LRP1B: variants seen among roughly 807,000 people sequenced by gnomAD.
LRP1B encodes the protein LDL receptor related protein 1B, also known as low-density lipoprotein receptor-related protein 1B.
In LRP1B, 217 loss-of-function variants were observed where a neutral mutation model predicts 556.6. The observed-to-expected ratio is 0.39, with a 90% CI of 0.35 to 0.44. LRP1B has a LOEUF of 0.44. Among genes scored for constraint, LRP1B ranks in the 20% least tolerant of loss-of-function variants. The pLI is 1.00. For missense variants in LRP1B, 5,053 were observed against 5,620.8 expected (o/e 0.90, Z 3.23); for synonymous variants, 2,047 against 1,865.8 (o/e 1.10, Z -2.50).
chr2:140,710,726 T>C (rs767700280), intron 37 of LRP1B, among the ~76,000 whole-genome samples: 1 of 151,958 alleles, frequency 6.6e-6, no homozygotes, highest in Non-Finnish European at 1.5e-5. Flanking sequence ...TTGGATGGAC[T>C]ATCAGTGGAG....
At chr2:142,072,528 A>C (rs1347140677) in intron 1 of LRP1B, among the ~76,000 whole-genome samples, 3 of 152,026 alleles carry the variant, frequency 2.0e-5, no homozygotes, top group Non-Finnish European at 2.9e-5. Context: ...CATGTGGCCC[A>C]GGAGAGATTT....
chr2:140,899,688 A>G (rs1378196653), intron 23 of LRP1B, among the ~76,000 whole-genome samples: 1 of 152,206 alleles, frequency 6.6e-6, no homozygotes, highest in Non-Finnish European at 1.5e-5. Context: ...TTTGTCTTGA[A>G]TAAAAGTATG....
intron 2 of LRP1B, among the ~76,000 whole-genome samples, chr2:141,535,183 G>C (rs1478074253): frequency 1.3e-5 from 2 of 151,992 alleles, no homozygotes; most frequent in Admixed American, 6.6e-5. Flanking sequence ...AAATACTCAG[G>C]CTTGACTGAG....
At chr2:140,663,109 A>G (rs935040778) in intron 41 of LRP1B, among the ~76,000 whole-genome samples, 2 of 152,218 alleles carry the variant, frequency 1.3e-5, no homozygotes, top group African/African-American at 4.8e-5. Flanking sequence ...GTTAAATTGC[A>G]TGCTATATAT....
chr2:141,985,166 G>A (rs1702150857), intron 1 of LRP1B, among the ~76,000 whole-genome samples: 1 of 152,122 alleles, frequency 6.6e-6, no homozygotes, highest in Non-Finnish European at 1.5e-5. Context: ...TCACGATGGA[G>A]AAACAAAATG....
chr2:141,607,997 G>T (rs981696717), intron 2 of LRP1B, among the ~76,000 whole-genome samples: 3 of 152,078 alleles, frequency 2.0e-5, no homozygotes, highest in African/African-American at 7.2e-5. Flanking sequence ...GGCCAAGGTG[G>T]GCGGATCACC....
At chr2:140,489,194 T>C (rs1035363782) in intron 57 of LRP1B, among the ~76,000 whole-genome samples, 2 of 151,944 alleles carry the variant, frequency 1.3e-5, no homozygotes, top group African/African-American at 4.8e-5. Flanking sequence ...AAATCATAGG[T>C]TCAAATTTTA....
intron 3 of LRP1B, among the ~76,000 whole-genome samples, chr2:141,381,055 T>C (rs1250678183): frequency 6.6e-6 from 1 of 151,808 alleles, no homozygotes; most frequent in African/African-American, 2.4e-5. Context: ...ATGTTTCATG[T>C]AAAAGAAAAA....
At chr2:141,725,653 G>A (rs975203720) in intron 2 of LRP1B, among the ~76,000 whole-genome samples, 1 of 151,706 alleles carries the variant, frequency 6.6e-6, no homozygotes, top group Non-Finnish European at 1.5e-5. Context: ...AAGAATACAA[G>A]TAGTCTTTTT....
At chr2:141,010,250 T>C (rs902696175) in intron 14 of LRP1B, among the ~76,000 whole-genome samples, 2 of 151,966 alleles carry the variant, frequency 1.3e-5, no homozygotes, top group African/African-American at 4.8e-5. Flanking sequence ...AAAAGGAAAG[T>C]CTGTTATTTT....
Position 140,335,973 on chromosome 2 carries a change from G to T in LRP1B, c.11893-135C>A, listed in dbSNP as rs564795138. 364 of 633,350 alleles carry T rather than the reference G, an allele frequency of 5.7e-4. 1 individual carries two copies. Among genetic ancestry groups the T allele is most frequent in the Non-Finnish European group, 9.0e-4 (316 of 349,606 alleles). The allele number at this position is 633,350 out of a possible 1,614,324, so 39.2% of individuals were successfully genotyped here. ...TTAATTGCTATATAGATGTCAAAAA[G>T]ATATTTAATGCTATTTTCAATCTTT... is the stretch of plus-strand genomic sequence containing the variant. On this transcript the variant is annotated intron_variant, in intron 77 of 90. Coordinates refer to ENST00000389484, the MANE Select transcript of LRP1B (RefSeq NM_018557.3).
intron 7 of LRP1B, among the ~76,000 whole-genome samples, chr2:141,108,412 A>T (rs1039358477): frequency 6.6e-5 from 9 of 136,548 alleles, no homozygotes; most frequent in Non-Finnish European, 1.4e-4. Flanking sequence ...GCAATGGCAC[A>T]ATCTCGGCTC....
At chr2:141,792,570 C>A (rs971023552) in intron 2 of LRP1B, among the ~76,000 whole-genome samples, 14 of 152,004 alleles carry the variant, frequency 9.2e-5, no homozygotes, top group Admixed American at 6.6e-5. Context: ...TATTAATAGA[C>A]TGAGTTAGCT....
chr2:141,194,416 A>T (rs1297750433), intron 6 of LRP1B, among the ~76,000 whole-genome samples: 1 of 152,092 alleles, frequency 6.6e-6, no homozygotes, highest in Non-Finnish European at 1.5e-5. Flanking sequence ...GCAAATCTAG[A>T]TGATGGCCAG....
intron 60 of LRP1B, among the ~76,000 whole-genome samples, chr2:140,464,863 T>C (rs1356696398): frequency 6.6e-6 from 1 of 152,184 alleles, no homozygotes; most frequent in African/African-American, 2.4e-5. Context: ...GTATAGTTGT[T>C]TACATGAGTT....
At chr2:141,520,839 G>A (rs574676342) in intron 2 of LRP1B, among the ~76,000 whole-genome samples, 1 of 151,256 alleles carries the variant, frequency 6.6e-6, no homozygotes, top group East Asian at 2.0e-4. Context: ...TGCTATTGTC[G>A]CCCAGCTGCT....
chr2:140,270,417 C>T, intron 85 of LRP1B, 71 bp from the exon 86 acceptor site: 2 of 993,610 alleles, frequency 2.0e-6, no homozygotes, highest in South Asian at 1.3e-5. Flanking sequence ...CTGACATAAA[C>T]TCTCTGTGGA....
chr2:141,097,779 A>G (rs1293724009), intron 7 of LRP1B, among the ~76,000 whole-genome samples: 3 of 152,184 alleles, frequency 2.0e-5, no homozygotes, highest in African/African-American at 7.2e-5. Context: ...GGCTTATATC[A>G]TACAAATTAT....
chr2:140,711,850 C>T (rs1192806450), intron 37 of LRP1B, among the ~76,000 whole-genome samples: 1 of 152,146 alleles, frequency 6.6e-6, no homozygotes, highest in Non-Finnish European at 1.5e-5. Flanking sequence ...TTCACTCCAT[C>T]CCCGAAGGGG....
Sources: gnomAD v4.1 joint callset for allele counts (sites outside exome capture counted in the v4.1 genomes callset) on GRCh38, gnomAD v4.1.1 for gene constraint, MANE v1.5 for transcripts, NCBI Gene and HGNC (gene_info 2026-07-23, HGNC 2026-07-21) for gene names.